The following SDC2 variants were observed in gnomAD, a reference collection of about 807,000 sequenced individuals.
SDC2 encodes syndecan-2.
Under a neutral mutation model 22.2 loss-of-function variants are expected in SDC2, and 13 were observed. That is an observed-to-expected ratio of 0.59 (90% confidence interval 0.38 to 0.93). The LOEUF (loss-of-function observed/expected upper bound fraction) is 0.93. Ranked by LOEUF, SDC2 falls within the 40% of genes least tolerant of loss-of-function variation. The probability of loss-of-function intolerance (pLI) is 0.00; values close to 1 mark genes in which losing one functional copy is unlikely to be tolerated. For synonymous variants in SDC2, 94 were observed against 92.8 expected (o/e 1.01, Z -0.07); for missense variants, 235 against 246.8 (o/e 0.95, Z 0.32).
intron 1 of SDC2, among the ~76,000 whole-genome samples, chr8:96,538,110 A>G (rs1377266046): frequency 6.6e-6 from 1 of 152,042 alleles, no homozygotes; most frequent in Non-Finnish European, 1.5e-5. Flanking sequence ...TTACAGGCGC[A>G]CACCACCACG....
intron 1 of SDC2, among the ~76,000 whole-genome samples, chr8:96,546,926 A>G (rs1489590035): frequency 2.0e-5 from 3 of 152,324 alleles, no homozygotes; most frequent in South Asian, 2.1e-4. Context: ...ATTTCCATGT[A>G]TTGATTAATG....
At chr8:96,528,117 G>T (rs777132022) in intron 1 of SDC2, among the ~76,000 whole-genome samples, 19 of 152,128 alleles carry the variant, frequency 1.2e-4, no homozygotes, top group Non-Finnish European at 2.2e-4. Context: ...GATGAAGGGG[G>T]TTGTGAAATT....
chr8:96,577,782 A>G (rs1391981552), intron 1 of SDC2, among the ~76,000 whole-genome samples: 6 of 151,858 alleles, frequency 4.0e-5, no homozygotes, highest in Non-Finnish European at 8.8e-5. Context: ...TCATCTTTGT[A>G]TTGTCTCTGT....
intron 1 of SDC2, among the ~76,000 whole-genome samples, chr8:96,517,776 TGTGTGTGTG>T (rs1813428196): frequency 2.8e-5 from 1 of 35,912 alleles, no homozygotes; most frequent in Admixed American, 2.9e-4. Context: ...TGTGCATGTG[TGTGTGTGTG>T]TGTGTGTGTG....
intron 1 of SDC2, chr8:96,580,425 CCATATCCT>C (rs1418932397): frequency 1.0e-6 from 1 of 985,310 alleles, no homozygotes. Context: ...TCCCAAGCCT[CCATATCCT>C]CAGCTGTTGC....
intron 1 of SDC2, among the ~76,000 whole-genome samples, chr8:96,561,380 G>T (rs1002001639): frequency 7.9e-5 from 12 of 152,172 alleles, no homozygotes; most frequent in African/African-American, 4.8e-5. Flanking sequence ...AAGCTGAGGG[G>T]AGGAAGAACA....
intron 1 of SDC2, among the ~76,000 whole-genome samples, chr8:96,572,503 G>A (rs577549660): frequency 1.3e-5 from 2 of 152,218 alleles, no homozygotes; most frequent in African/African-American, 4.8e-5. Context: ...CTCCAGGCTG[G>A]CCCAAGTTTA....
chr8:96,548,848 T>C (rs1260415633), intron 1 of SDC2, among the ~76,000 whole-genome samples: 3 of 152,158 alleles, frequency 2.0e-5, no homozygotes, highest in South Asian at 4.1e-4. Flanking sequence ...TTCACTGACT[T>C]GAGGTCAGTG....
At chr8:96,530,372 G>A (rs1408811448) in intron 1 of SDC2, among the ~76,000 whole-genome samples, 2 of 152,200 alleles carry the variant, frequency 1.3e-5, no homozygotes, top group Non-Finnish European at 2.9e-5. Flanking sequence ...GGTGGCTCAC[G>A]CCTGTAATCC....
intron 1 of SDC2, among the ~76,000 whole-genome samples, chr8:96,570,977 T>C (rs547074270): frequency 1.3e-5 from 2 of 152,162 alleles, no homozygotes; most frequent in Admixed American, 6.5e-5. Context: ...GGTCTAGAGA[T>C]GGATGTGGTA....
chr8:96,592,324 G>A (rs191176157), intron 1 of SDC2, among the ~76,000 whole-genome samples: 7 of 152,328 alleles, frequency 4.6e-5, no homozygotes, highest in African/African-American at 1.2e-4. Flanking sequence ...CAATCACAGC[G>A]ACTGCTGGAA....
chr8:96,574,284 C>G (rs1814450880), intron 1 of SDC2, among the ~76,000 whole-genome samples: 1 of 152,114 alleles, frequency 6.6e-6, no homozygotes. Flanking sequence ...GCAGAGCCAC[C>G]TGAAGACCTG....
intron 2 of SDC2, among the ~76,000 whole-genome samples, chr8:96,594,936 A>G (rs1814847370): frequency 6.6e-6 from 1 of 152,190 alleles, no homozygotes; most frequent in South Asian, 2.1e-4. Flanking sequence ...AACTACTCCC[A>G]TGAGTCAGTG....
At chr8:96,588,911 A>G (rs762093179) in intron 1 of SDC2, among the ~76,000 whole-genome samples, 2 of 152,236 alleles carry the variant, frequency 1.3e-5, no homozygotes, top group African/African-American at 2.4e-5. Context: ...AGTTTGAAAC[A>G]TGGTATTTGT....
chr8:96,576,794 G>T (rs1237401395), intron 1 of SDC2, among the ~76,000 whole-genome samples: 2 of 151,992 alleles, frequency 1.3e-5, no homozygotes, highest in Non-Finnish European at 2.9e-5. Flanking sequence ...CAGGATACTT[G>T]ACCCCTGAGG....
chr8:96,540,013 C>G (rs982397973), intron 1 of SDC2, among the ~76,000 whole-genome samples: 1 of 151,992 alleles, frequency 6.6e-6, no homozygotes, highest in Non-Finnish European at 1.5e-5. Context: ...GACATATTGA[C>G]GGAAGAAATC....
intron 1 of SDC2, among the ~76,000 whole-genome samples, chr8:96,555,342 T>G (rs1160401177): frequency 1.3e-5 from 2 of 152,182 alleles, no homozygotes; most frequent in Non-Finnish European, 2.9e-5. Context: ...AGCACTTGGC[T>G]AGATTTGAAC....
In SDC2 at chr8:96,494,006, G is replaced by A. The variant is rs1017294018; in HGVS notation, c.-266G>A. The A allele has an allele frequency of 1.1e-5, 6 of 523,400 alleles. No individual in the cohort carries two copies. Among genetic ancestry groups the A allele is most frequent in the Admixed American group, 3.9e-5 (1 of 25,684 alleles). The allele number at this position is 523,400 out of a possible 1,614,324, so 32.4% of individuals were successfully genotyped here. A position where few individuals can be genotyped will look rare whatever the true frequency, so the allele number is the denominator to read the frequency against. ...AGAGCTTCAGAGAGCAGCCTTCCCG[G>A]AGCACCAACTCCGTGTCGGGAGTGC... On this transcript the variant is annotated 5_prime_UTR_variant, in exon 1 of 5. Transcript: ENST00000302190.
chr8:96,507,270 C>G (rs185757053), intron 1 of SDC2, among the ~76,000 whole-genome samples: 146 of 152,316 alleles, frequency 9.6e-4, no homozygotes, highest in African/African-American at 3.2e-3. Context: ...CATTCCTTTT[C>G]TGGCTGCTTC....
Sources: gnomAD v4.1 joint callset for allele counts (sites outside exome capture counted in the v4.1 genomes callset) on GRCh38, gnomAD v4.1.1 for gene constraint, MANE v1.5 for transcripts, NCBI Gene and HGNC (gene_info 2026-07-23, HGNC 2026-07-21) for gene names.